PDE8A: variants seen among roughly 807,000 people sequenced by gnomAD.
PDE8A encodes the protein phosphodiesterase 8A.
In PDE8A, 59 loss-of-function variants were observed where a neutral mutation model predicts 105.0. That is an observed-to-expected ratio of 0.56 (90% CI 0.46 to 0.70). PDE8A has a LOEUF of 0.70. Among genes scored for constraint, PDE8A ranks in the 30% least tolerant of loss-of-function variants. The probability of loss-of-function intolerance (pLI) is 0.00; values close to 1 mark genes in which losing one functional copy is unlikely to be tolerated. For synonymous variants in PDE8A, 355 were observed against 371.9 expected (o/e 0.95, Z 0.52); for missense variants, 1,014 against 1,045.9 (o/e 0.97, Z 0.42).
intron 1 of PDE8A, among the ~76,000 whole-genome samples, chr15:85,039,195 A>ACGGGAGGATCGCTTGAGCT (rs1041804418): frequency 6.6e-6 from 1 of 151,846 alleles, no homozygotes; most frequent in Non-Finnish European, 1.5e-5. Flanking sequence ...GGAGGCTGAG[A>ACGGGAGGATCGCTTGAGCT]CGGGAGGATC....
chr15:85,057,552 G>A (rs1160015960), intron 1 of PDE8A, among the ~76,000 whole-genome samples: 2 of 152,128 alleles, frequency 1.3e-5, no homozygotes, highest in Non-Finnish European at 1.5e-5. Flanking sequence ...TGTCCGACAA[G>A]CCCCAGTGAG....
chr15:85,120,961 C>G lies in PDE8A; in HGVS notation c.1899C>G (p.Ala633=). 1 of 1,614,042 alleles carries G rather than the reference C, an allele frequency of 6.2e-7. No homozygotes were observed. Among genetic ancestry groups the G allele is most frequent in the South Asian group, 1.1e-5 (1 of 91,064 alleles). ...TGGAGAGCCACCATGCGGCCTTGGC[C>G]TTCCAGCTGACCACTGGAGATGATA... ...AVLESHHAAL[A]FQLTTGDDKC... Residue 633 remains alanine, a synonymous_variant, in exon 18 of 22, where the codon GCC becomes GCG. Coordinates refer to ENST00000394553, the MANE Select transcript of PDE8A (RefSeq NM_002605.3).
At chr15:85,077,072 A>G (rs1249602530) in intron 5 of PDE8A, among the ~76,000 whole-genome samples, 8 of 152,190 alleles carry the variant, frequency 5.3e-5, no homozygotes, top group Non-Finnish European at 8.8e-5. Flanking sequence ...TAACTTTATA[A>G]TCTGCTAATC....
intron 1 of PDE8A, among the ~76,000 whole-genome samples, chr15:84,999,720 G>A (rs1441539179): frequency 1.3e-4 from 19 of 151,998 alleles, no homozygotes; most frequent in Admixed American, 1.2e-3. Flanking sequence ...GACTACTGGC[G>A]GGCACCAGTA....
chr15:85,027,195 G>A (rs181345123), intron 1 of PDE8A, among the ~76,000 whole-genome samples: 1 of 152,320 alleles, frequency 6.6e-6, no homozygotes, highest in East Asian at 1.9e-4. Flanking sequence ...GTGTGCTGCA[G>A]AATGGGCTGT....
chr15:85,036,649 A>G (rs1484039916), intron 1 of PDE8A, among the ~76,000 whole-genome samples: 1 of 152,184 alleles, frequency 6.6e-6, no homozygotes, highest in Non-Finnish European at 1.5e-5. Context: ...GGACTCCAGC[A>G]GTAAAGGTTG....
chr15:84,981,356 C>G (rs1228412052), upstream of PDE8A, among the ~76,000 whole-genome samples: 1 of 152,282 alleles, frequency 6.6e-6, no homozygotes, highest in East Asian at 1.9e-4. Context: ...CGGCGCGGCA[C>G]GCTGCCGGCA....
intron 1 of PDE8A, among the ~76,000 whole-genome samples, chr15:85,041,316 A>T (rs2080804391): frequency 6.6e-6 from 1 of 152,148 alleles, no homozygotes; most frequent in African/African-American, 2.4e-5. Flanking sequence ...TTAAAACATC[A>T]TTTTCTGTTA....
At chr15:85,007,638 A>G (rs1033299229) in intron 1 of PDE8A, among the ~76,000 whole-genome samples, 1 of 151,998 alleles carries the variant, frequency 6.6e-6, no homozygotes, top group Non-Finnish European at 1.5e-5. Context: ...TGGGCAAATT[A>G]CTTAACCTGT....
chr15:85,125,239 T>C (rs2082241771), intron 19 of PDE8A, among the ~76,000 whole-genome samples: 1 of 152,162 alleles, frequency 6.6e-6, no homozygotes, highest in Non-Finnish European at 1.5e-5. Context: ...GCTGGGACCA[T>C]CAGGGCTTCT....
At chr15:85,068,613 T>C (rs1458313068) in intron 3 of PDE8A, among the ~76,000 whole-genome samples, 4 of 151,920 alleles carry the variant, frequency 2.6e-5, no homozygotes, top group African/African-American at 9.7e-5. Context: ...GAAGATGATA[T>C]CTAAATTACA....
intron 1 of PDE8A, among the ~76,000 whole-genome samples, chr15:85,002,933 G>C (rs896563251): frequency 2.0e-5 from 3 of 152,190 alleles, no homozygotes; most frequent in African/African-American, 4.8e-5. Flanking sequence ...AGGAATTGTG[G>C]AAGAAGACCA....
At position 85,124,568 on chromosome 15, in the gene PDE8A, A is replaced by G. The variant is rs183851655; in HGVS notation, c.2085+1375A>G. 1.3e-4 allele frequency among the ~76,000 whole-genome samples: 20 copies of G among 152,298 alleles called. No homozygotes were observed. The East Asian group carries it at 3.9e-3, about 29-fold the overall frequency. ...ACTTCTGCAATTCATTTGTTTGGCC[A>G]TGGCCTTTGTCTGCCCCCTGGTTTT... On this transcript the variant is annotated intron_variant, in intron 19 of 21. Transcript: ENST00000394553.
At chr15:85,019,003 T>A (rs1361308807) in intron 1 of PDE8A, among the ~76,000 whole-genome samples, 1 of 152,210 alleles carries the variant, frequency 6.6e-6, no homozygotes, top group Non-Finnish European at 1.5e-5. Context: ...TTGTCCTTTT[T>A]TATAGACTCT....
intron 1 of PDE8A, among the ~76,000 whole-genome samples, chr15:85,057,653 G>T (rs1230374367): frequency 6.6e-6 from 1 of 152,114 alleles, no homozygotes; most frequent in Non-Finnish European, 1.5e-5. Context: ...GTTCCTATTC[G>T]GCCATCTTGG....
chr15:85,099,997 A>C lies in PDE8A; in HGVS notation c.942-18A>C. On this transcript the variant is annotated intron_variant, in intron 9 of 21. Transcript: ENST00000394553. ...TAGAGACTCAGAAGAGAAATAATGC[A>C]TTGTTTTTTACTTGCAGAAAAATTA... 6.3e-7 allele frequency: 1 copy of C among 1,593,940 alleles called. No homozygotes were observed. The highest frequency in any genetic ancestry group is 8.6e-7 in the Non-Finnish European group (1 of 1,167,324).
At chr15:84,982,377 C>T (rs1596403074) in intron 1 of PDE8A, 29 bp downstream of exon 1, 5 of 1,284,008 alleles carry the variant, frequency 3.9e-6, no homozygotes, top group East Asian at 6.2e-5. Context: ...TCTGGGGCCG[C>T]CGCGAAACTC....
chr15:85,019,719 A>G (rs1054746075), intron 1 of PDE8A, among the ~76,000 whole-genome samples: 1 of 152,062 alleles, frequency 6.6e-6, no homozygotes, highest in African/African-American at 2.4e-5. Context: ...AGCTGGGACT[A>G]CAGGCACCCA....
intron 21 of PDE8A, among the ~76,000 whole-genome samples, chr15:85,136,896 C>T (rs1213310231): frequency 6.6e-6 from 1 of 152,056 alleles, no homozygotes; most frequent in Non-Finnish European, 1.5e-5. Flanking sequence ...GAACTTGGGG[C>T]CCCACAGCTT....
Sources: allele counts gnomAD v4.1 joint callset (sites outside exome capture counted in the v4.1 genomes callset), GRCh38; gene constraint gnomAD v4.1.1; transcripts MANE v1.5; gene names NCBI Gene and HGNC (gene_info 2026-07-23, HGNC 2026-07-21).